Variants in EFTUD2 observed in about 807,000 individuals in gnomAD.
EFTUD2 encodes 116 kDa U5 small nuclear ribonucleoprotein component.
A neutral mutation model predicts 114.3 loss-of-function variants in EFTUD2; 9 were observed. The ratio of observed to expected loss-of-function variants is 0.08; its 90% CI spans 0.05 to 0.14. The LOEUF (loss-of-function observed/expected upper bound fraction) is 0.14, where lower values mean the gene tolerates loss of function less well. Ranked by LOEUF, EFTUD2 falls within the 10% of genes least tolerant of loss-of-function variation. EFTUD2 has a pLI of 1.00. For synonymous variants in EFTUD2, 449 were observed against 462.3 expected, an observed-to-expected ratio of 0.97 and a Z score of 0.37; for missense variants, 765 against 1,241.2, an observed-to-expected ratio of 0.62 and a Z score of 5.76.
At position 44,854,413 on chromosome 17, in the gene EFTUD2, A is replaced by G. The variant is rs1355038475; in HGVS notation, c.2260-57T>C. The G allele has an allele frequency of 4.4e-6, 7 of 1,592,028 alleles. No individual in the cohort carries two copies. In the African/African-American group the frequency reaches 8.2e-5, roughly 19 times the overall value. The stretch of plus-strand genomic sequence containing the variant: ...CGCCCTGGCAACGGCTGAAGCATTT[A>G]GAGGGAGAAGACAGATGTGCCTGTA... On this transcript the variant is annotated intron_variant, in intron 22 of 27. Transcript: ENST00000426333. The surrounding 1 kb of genome is among the most constrained non-coding windows in gnomAD (Gnocchi z 4.3).
intron 7 of EFTUD2, 109 bp from the exon 8 acceptor site, chr17:44,880,753 T>C (rs532427982): frequency 7.8e-6 from 6 of 769,802 alleles, no homozygotes; most frequent in South Asian, 3.3e-5. Flanking sequence ...CTCCTTATAG[T>C]GGGTGATTTT....
In EFTUD2 at chr17:44,885,286, T is replaced by C; in HGVS notation, c.320A>G (p.Gln107Arg). ...CTCATACACCGTAACAGGTAATGTC[T>C]GCTCCATCAGAGTGAATTTCTTGGT... The part of the protein sequence containing the change: ...VKTKKFTLME[Q>R]TLPVTVYEMD... Residue 107 changes from glutamine (Q) to arginine (R), a missense_variant, in exon 4 of 28, where the codon CAG becomes CGG. Gln to Arg is a conservative substitution (Grantham distance 43). Transcript: ENST00000426333. The C allele has an allele frequency of 6.2e-7, 1 of 1,614,130 alleles. No individual in the cohort carries two copies. Among genetic ancestry groups the C allele is most frequent in the Non-Finnish European group, 8.5e-7 (1 of 1,179,972 alleles).
chr17:44,851,137 GT>G lies in EFTUD2; in HGVS notation c.*136del. 1 of 722,566 alleles carries G rather than the reference GT, an allele frequency of 1.4e-6. No individual in the cohort carries two copies. The allele number at this position is 722,566 out of a possible 1,614,324, so 44.8% of individuals were successfully genotyped here. A position where few individuals can be genotyped will look rare whatever the true frequency, so the allele number is the denominator to read the frequency against. On this transcript the variant is annotated 3_prime_UTR_variant, in exon 28 of 28. Coordinates refer to ENST00000426333, the MANE Select transcript of EFTUD2 (RefSeq NM_004247.4). ...CACTGGGGCTCTGGGTTGGAGGTTG[GT>G]GAGTTGTTCAAGATGGCAACAGCAG...
intron 1 of EFTUD2, among the ~76,000 whole-genome samples, chr17:44,898,092 A>G (rs1387662518): frequency 6.6e-6 from 1 of 152,234 alleles, no homozygotes; most frequent in Non-Finnish European, 1.5e-5. Flanking sequence ...ACCAATAATT[A>G]AATGTAAATT....
chr17:44,858,634 C>A (rs544354936), intron 19 of EFTUD2, among the ~76,000 whole-genome samples: 5 of 151,908 alleles, frequency 3.3e-5, no homozygotes, highest in Non-Finnish European at 7.4e-5. Context: ...TTTGTAGAGA[C>A]GAGGTTTCAC....
intron 16 of EFTUD2, among the ~76,000 whole-genome samples, chr17:44,862,485 T>C (rs2050675655): frequency 1.3e-5 from 2 of 151,780 alleles, no homozygotes; most frequent in South Asian, 2.1e-4. Flanking sequence ...CCACCCAAAG[T>C]GCAAAGGCGA....
intron 19 of EFTUD2, 165 bp from the exon 20 acceptor site, chr17:44,857,322 C>A: frequency 1.7e-6 from 1 of 584,670 alleles, no homozygotes. Flanking sequence ...AAGAGCTGTC[C>A]AAATCATCAC....
Position 44,850,324 on chromosome 17 carries a change from T to A in EFTUD2, c.*950A>T. 6.2e-7 allele frequency: 1 copy of A among 1,610,290 alleles called. No homozygotes were observed. Among genetic ancestry groups the A allele is most frequent in the South Asian group, 1.1e-5 (1 of 90,250 alleles). On this transcript the variant is annotated 3_prime_UTR_variant, in exon 28 of 28. Coordinates refer to ENST00000426333, the MANE Select transcript of EFTUD2 (RefSeq NM_004247.4). The stretch of plus-strand genomic sequence containing the variant: ...GCCAAGGGGCATTATTTCTTTTCTC[T>A]CACACAGGTGCTGTGTACACAATGT...
At chr17:44,859,478 C>G (rs9895673) in intron 18 of EFTUD2, 1 of 515,242 alleles carries the variant, frequency 1.9e-6, no homozygotes, top group Non-Finnish European at 3.5e-6. Flanking sequence ...GCCCTTTAGC[C>G]CTCCTGGCCT....
At chr17:44,894,229 G>A (rs2051335708) in intron 2 of EFTUD2, 188 bp downstream of exon 2, 3 of 552,328 alleles carry the variant, frequency 5.4e-6, no homozygotes, top group Middle Eastern at 5.0e-4. Context: ...AATTAGCTGG[G>A]CATGGTGGTG....
chr17:44,879,326 T>G (rs1196262857), intron 9 of EFTUD2, among the ~76,000 whole-genome samples: 1 of 152,146 alleles, frequency 6.6e-6, no homozygotes, highest in African/African-American at 2.4e-5. Flanking sequence ...CCTCAGGTGA[T>G]CCACCCACCT....
At chr17:44,880,970 T>C (rs2051062210) in intron 7 of EFTUD2, among the ~76,000 whole-genome samples, 1 of 151,980 alleles carries the variant, frequency 6.6e-6, no homozygotes, top group Non-Finnish European at 1.5e-5. Context: ...ACCTTGAAAG[T>C]AAAAAGAAAC....
chr17:44,853,330 C>G lies in EFTUD2; in HGVS notation c.2527G>C (p.Val843Leu). ...GCCAGGACGGTATAAACTGCAGAGA[C>G]GCAATCTGCAGGGGCCTGGACCTCT... ...FVEVQAPADC[V>L]SAVYTVLARR... is the part of the protein sequence containing the mutation. Residue 843 changes from valine to leucine, a missense_variant, in exon 25 of 28, where the codon GTC becomes CTC. Physicochemically the swap from Val to Leu is conservative, Grantham distance 32. Coordinates refer to ENST00000426333, the MANE Select transcript of EFTUD2 (RefSeq NM_004247.4). 2 of 1,614,072 alleles carry G rather than the reference C, an allele frequency of 1.2e-6. No homozygotes were observed. Among genetic ancestry groups the G allele is most frequent in the Non-Finnish European group, 1.7e-6 (2 of 1,179,970 alleles).
At chr17:44,858,383 A>C (rs889849374) in intron 19 of EFTUD2, among the ~76,000 whole-genome samples, 4 of 151,948 alleles carry the variant, frequency 2.6e-5, no homozygotes, top group African/African-American at 4.8e-5. Context: ...CTATAGGTGC[A>C]AGCCACCACA....
chr17:44,882,299 T>G (rs2051086665), intron 6 of EFTUD2, among the ~76,000 whole-genome samples: 1 of 151,910 alleles, frequency 6.6e-6, no homozygotes, highest in Non-Finnish European at 1.5e-5. Flanking sequence ...TCGCCCAGAC[T>G]AGAGTGTGGT....
chr17:44,880,131 C>T (rs1350363840), intron 8 of EFTUD2, among the ~76,000 whole-genome samples: 1 of 152,116 alleles, frequency 6.6e-6, no homozygotes, highest in East Asian at 1.9e-4. Flanking sequence ...AACTCTGCCC[C>T]AGTTGGTCCT....
At position 44,854,332 on chromosome 17, in the gene EFTUD2, C is replaced by A; in HGVS notation, c.2284G>T (p.Val762Leu). ...AAACCTTGAACGATGCTGTCCTTCA[C>A]TGAACCAAGAAGAGCCTTGTCCACC... ...SEVDKALLGS[V>L]KDSIVQGFQW... The change falls in exon 23 of 28, where the codon GTG becomes TTG. Residue 762 changes from valine to leucine, a missense_variant. Val to Leu is a conservative substitution (Grantham distance 32). This residue lies in a region of EFTUD2 where 166 missense variants were observed against 401.5 expected (regional missense o/e 0.41). Transcript: ENST00000426333. The surrounding 1 kb of genome is among the most constrained non-coding windows in gnomAD (Gnocchi z 4.3). The A allele has an allele frequency of 1.2e-6, 2 of 1,613,984 alleles. No individual in the cohort carries two copies. Among genetic ancestry groups the A allele is most frequent in the Non-Finnish European group, 1.7e-6 (2 of 1,179,946 alleles).
chr17:44,889,830 TC>T (rs2051246018), intron 2 of EFTUD2, among the ~76,000 whole-genome samples: 1 of 152,204 alleles, frequency 6.6e-6, no homozygotes, highest in African/African-American at 2.4e-5. Flanking sequence ...CAAATAGCTA[TC>T]AAGCCAGTTT....
At chr17:44,885,999 G>T (rs1351849295) in intron 3 of EFTUD2, among the ~76,000 whole-genome samples, 3 of 152,146 alleles carry the variant, frequency 2.0e-5, no homozygotes, top group Non-Finnish European at 4.4e-5. Flanking sequence ...CTCTTTGGGA[G>T]GACAGGGCAG....
Sources: allele counts gnomAD v4.1 joint callset (sites outside exome capture counted in the v4.1 genomes callset), GRCh38; gene constraint gnomAD v4.1.1; regional missense constraint gnomAD v4.1.1; non-coding constraint Gnocchi (gnomAD v3.1); transcripts MANE v1.5; gene names NCBI Gene and HGNC (gene_info 2026-07-23, HGNC 2026-07-21).